ASAP2: variants seen among roughly 807,000 people sequenced by gnomAD.
ASAP2 encodes arf-GAP with SH3 domain, ANK repeat and PH domain-containing protein 2.
ASAP2 carries 45 observed loss-of-function variants against 131.4 expected under a neutral mutation model. That is an observed-to-expected ratio of 0.34 (90% CI 0.27 to 0.44). The LOEUF (loss-of-function observed/expected upper bound fraction) is 0.44, where lower values mean the gene tolerates loss of function less well. Ranked by LOEUF, ASAP2 falls within the 20% of genes least tolerant of loss-of-function variation. ASAP2 has a pLI of 1.00. For missense variants in ASAP2, 1,011 were observed against 1,297.0 expected (o/e 0.78, Z 3.39); for synonymous variants, 510 against 503.0 (o/e 1.01, Z -0.19).
At chr2:9,338,570 C>T (rs1671375571) in intron 9 of ASAP2, among the ~76,000 whole-genome samples, 2 of 152,210 alleles carry the variant, frequency 1.3e-5, no homozygotes, top group African/African-American at 2.4e-5. Flanking sequence ...GCTAGGTAGC[C>T]TGGCTCTGGC....
intron 9 of ASAP2, among the ~76,000 whole-genome samples, chr2:9,337,914 C>T (rs1282836591): frequency 6.6e-6 from 1 of 152,098 alleles, no homozygotes; most frequent in East Asian, 1.9e-4. Context: ...GTGCAGTGAC[C>T]ACCCATAGTG....
chr2:9,206,840 C>G lies in ASAP2; in HGVS notation c.-265C>G, dbSNP rs1016603474. The stretch of plus-strand genomic sequence containing the variant: ...TCCCGCCGGCTGTGCGCGCCCGCCT[C>G]GGGGCTCGCTCTGAGAGGACGCGGC... On this transcript the variant is annotated 5_prime_UTR_variant, in exon 1 of 28. Transcript: ENST00000281419. The surrounding 1 kb of genome is among the most constrained non-coding windows in gnomAD (Gnocchi z 4.0). 1.1e-4 allele frequency: 17 copies of G among 150,288 alleles called. No individual in the cohort carries two copies. Among genetic ancestry groups the G allele is most frequent in the Non-Finnish European group, 2.2e-4 (15 of 69,372 alleles). The allele number at this position is 150,288 out of a possible 1,614,324, so 9.3% of individuals were successfully genotyped here.
intron 1 of ASAP2, among the ~76,000 whole-genome samples, chr2:9,215,859 C>T (rs1356211378): frequency 6.6e-6 from 1 of 152,162 alleles, no homozygotes; most frequent in Non-Finnish European, 1.5e-5. Flanking sequence ...GGCGGGGAGC[C>T]ATCCACTGTG....
intron 12 of ASAP2, 87 bp from the exon 13 acceptor site, chr2:9,355,960 C>G: frequency 6.7e-7 from 1 of 1,486,994 alleles, no homozygotes; most frequent in Non-Finnish European, 9.4e-7. Context: ...TAAGATTATT[C>G]CAGAGGCTAA....
intron 1 of ASAP2, among the ~76,000 whole-genome samples, chr2:9,236,579 G>A (rs2148051356): frequency 6.6e-6 from 1 of 152,218 alleles, no homozygotes; most frequent in Non-Finnish European, 1.5e-5. Flanking sequence ...CATTCTTAAT[G>A]TCTAAAGAGG....
chr2:9,246,556 A>G (rs1212635716), intron 1 of ASAP2, among the ~76,000 whole-genome samples: 1 of 152,050 alleles, frequency 6.6e-6, no homozygotes, highest in Non-Finnish European at 1.5e-5. Flanking sequence ...CCATGCCAGG[A>G]TTACAGGCAT....
intron 1 of ASAP2, among the ~76,000 whole-genome samples, chr2:9,224,594 A>G (rs1248869125): frequency 6.6e-6 from 1 of 152,214 alleles, no homozygotes. Context: ...GATGATCGAA[A>G]TCTCCACTCT....
At chr2:9,299,175 C>G (rs1338178462) in intron 3 of ASAP2, among the ~76,000 whole-genome samples, 2 of 152,092 alleles carry the variant, frequency 1.3e-5, no homozygotes. Flanking sequence ...GAAGAGTCTC[C>G]AAGTTGAGAG....
At chr2:9,399,479 A>T (rs950287093) in intron 24 of ASAP2, 18 of 153,776 alleles carry the variant, frequency 1.2e-4, no homozygotes, top group Admixed American at 1.2e-3. Context: ...CCTGAGAACT[A>T]CTTCCTCACT....
At chr2:9,235,726 A>C (rs956630796) in intron 1 of ASAP2, among the ~76,000 whole-genome samples, 1 of 152,102 alleles carries the variant, frequency 6.6e-6, no homozygotes, top group Non-Finnish European at 1.5e-5. Flanking sequence ...AGTGAGCCGC[A>C]TGGCCTGGCA....
chr2:9,271,168 C>T (rs1666366646), intron 1 of ASAP2: 1 of 509,352 alleles, frequency 2.0e-6, no homozygotes, highest in East Asian at 2.9e-5. Flanking sequence ...TAAAAGCGGA[C>T]CCCAAATGGT....
intron 1 of ASAP2, among the ~76,000 whole-genome samples, chr2:9,245,277 G>C (rs1664258505): frequency 6.6e-6 from 1 of 152,158 alleles, no homozygotes; most frequent in African/African-American, 2.4e-5. Flanking sequence ...CTATCGAATT[G>C]TCAGTGCCAG....
rs1477060081 is a variant in ASAP2 at position 9,311,623 on chromosome 2, C to G, written c.346-6901C>G. Among the ~76,000 whole-genome samples, 1 of 152,180 alleles carries G rather than the reference C, an allele frequency of 6.6e-6. No individual in the cohort carries two copies. The highest frequency in any genetic ancestry group is 1.9e-4 in the East Asian group (1 of 5,196). On this transcript the variant is annotated intron_variant, in intron 3 of 27. Coordinates refer to ENST00000281419, the MANE Select transcript of ASAP2 (RefSeq NM_003887.3). The surrounding 1 kb of genome is among the most constrained non-coding windows in gnomAD (Gnocchi z 5.2). ...CATTACTCATAAATTGAGACTGGAGCTGCCTGAGCACAAGGGATATGTAAT... is the reference window on the plus strand; with the variant it reads ...CATTACTCATAAATTGAGACTGGAGGTGCCTGAGCACAAGGGATATGTAAT...
chr2:9,240,592 C>T (rs548355473), intron 1 of ASAP2, among the ~76,000 whole-genome samples: 1 of 152,214 alleles, frequency 6.6e-6, no homozygotes, highest in South Asian at 2.1e-4. Context: ...GCACTTGCCA[C>T]GCACCACGGC....
intron 3 of ASAP2, among the ~76,000 whole-genome samples, chr2:9,315,086 A>G (rs1359336931): frequency 6.6e-6 from 1 of 152,230 alleles, no homozygotes; most frequent in Non-Finnish European, 1.5e-5. Context: ...TTTCCGTCGA[A>G]TAGAACAAAT....
Position 9,405,226 on chromosome 2 carries a change from T to C in ASAP2, c.*1899T>C, listed in dbSNP as rs1042158170. ...AGTACTCTTACCAGAGGAGAAATTATATTAACGACCCTGCTAATATCCTTT... is the reference window on the plus strand; with the variant it reads ...AGTACTCTTACCAGAGGAGAAATTACATTAACGACCCTGCTAATATCCTTT... On this transcript the variant is annotated 3_prime_UTR_variant, in exon 28 of 28. Transcript: ENST00000281419. The C allele has an allele frequency of 1.3e-5, 2 of 152,274 alleles. No individual in the cohort carries two copies. Among genetic ancestry groups the C allele is most frequent in the African/African-American group, 4.8e-5 (2 of 41,468 alleles). The allele number at this position is 152,274 out of a possible 1,614,324, so 9.4% of individuals were successfully genotyped here. A position where few individuals can be genotyped will look rare whatever the true frequency, so the allele number is the denominator to read the frequency against.
At chr2:9,265,870 T>A (rs1156872111) in intron 1 of ASAP2, among the ~76,000 whole-genome samples, 2 of 152,228 alleles carry the variant, frequency 1.3e-5, no homozygotes, top group African/African-American at 4.8e-5. Flanking sequence ...CCTCCCCGGT[T>A]CAAGTGATTC....
At chr2:9,402,751 CTT>C (rs1232625094) in intron 27 of ASAP2, among the ~76,000 whole-genome samples, 1 of 152,180 alleles carries the variant, frequency 6.6e-6, no homozygotes, top group Admixed American at 6.5e-5. Flanking sequence ...CATTTACACT[CTT>C]GAGATCATAT....
At chr2:9,354,319 G>GC (rs1272911056) in intron 12 of ASAP2, among the ~76,000 whole-genome samples, 1 of 152,190 alleles carries the variant, frequency 6.6e-6, no homozygotes, top group Non-Finnish European at 1.5e-5. Context: ...TGCTCCGATC[G>GC]CCCCCTCTGT....
Sources: allele counts gnomAD v4.1 joint callset (sites outside exome capture counted in the v4.1 genomes callset), GRCh38; gene constraint gnomAD v4.1.1; non-coding constraint Gnocchi (gnomAD v3.1); transcripts MANE v1.5; gene names NCBI Gene and HGNC (gene_info 2026-07-23, HGNC 2026-07-21).